KHDRBS2: variants seen among roughly 807,000 people sequenced by gnomAD.
KHDRBS2 encodes the protein KH domain-containing, RNA-binding, signal transduction-associated protein 2.
KHDRBS2 carries 26 observed loss-of-function variants against 44.3 expected under a neutral mutation model. The observed-to-expected ratio is 0.59, with a 90% confidence interval of 0.43 to 0.81. KHDRBS2 has a LOEUF of 0.81. KHDRBS2 is among the 40% of genes least tolerant of loss of function. KHDRBS2 has a pLI of 0.00. For missense variants in KHDRBS2, 476 were observed against 433.1 expected (o/e 1.10, Z -0.88); for synonymous variants, 194 against 151.1 (o/e 1.28, Z -2.08).
intron 2 of KHDRBS2, among the ~76,000 whole-genome samples, chr6:62,053,933 T>A (rs1789673809): frequency 6.6e-6 from 1 of 152,048 alleles, no homozygotes; most frequent in Admixed American, 6.6e-5. Flanking sequence ...TAGAGAATTT[T>A]TTTAAAGGAG....
chr6:61,587,322 C>G, the KHDRBS2 span, among the ~76,000 whole-genome samples: 3 of 151,978 alleles, frequency 2.0e-5, no homozygotes, highest in Non-Finnish European at 4.4e-5. Context: ...CAGGGACAGT[C>G]AGCTGGTGCT....
At chr6:61,724,499 A>G (rs188808088) in intron 7 of KHDRBS2, among the ~76,000 whole-genome samples, 4 of 152,294 alleles carry the variant, frequency 2.6e-5, no homozygotes, top group East Asian at 3.9e-4. Context: ...CATTGCCCCA[A>G]TTAAAAGACA....
At chr6:62,066,021 T>TC (rs1793611570) in intron 2 of KHDRBS2, among the ~76,000 whole-genome samples, 1 of 151,670 alleles carries the variant, frequency 6.6e-6, no homozygotes, top group Non-Finnish European at 1.5e-5. Flanking sequence ...TTTCATCCTG[T>TC]GTGGAGAGTC....
intron 6 of KHDRBS2, among the ~76,000 whole-genome samples, chr6:61,875,941 G>A (rs1207119063): frequency 1.3e-5 from 2 of 151,840 alleles, no homozygotes; most frequent in East Asian, 3.9e-4. Context: ...CTGCTGACCT[G>A]TGAAGTTGGA....
At chr6:61,557,200 A>G in the KHDRBS2 span, among the ~76,000 whole-genome samples, 1 of 152,152 alleles carries the variant, frequency 6.6e-6, no homozygotes, top group African/African-American at 2.4e-5. Flanking sequence ...ATAGGAGCAT[A>G]ATAATATTGC....
intron 4 of KHDRBS2, among the ~76,000 whole-genome samples, chr6:61,961,863 G>C (rs1206243467): frequency 6.6e-6 from 1 of 152,094 alleles, no homozygotes; most frequent in Non-Finnish European, 1.5e-5. Context: ...TGGACTTTAA[G>C]AACAGGACTG....
At chr6:61,900,678 G>A (rs1303763998) in intron 5 of KHDRBS2, among the ~76,000 whole-genome samples, 1 of 152,126 alleles carries the variant, frequency 6.6e-6, no homozygotes, top group Non-Finnish European at 1.5e-5. Context: ...TGCAAGAAGT[G>A]TTCTGGCTTT....
intron 2 of KHDRBS2, among the ~76,000 whole-genome samples, chr6:62,082,310 G>GGTGTGTGTGTGT (rs142069290): frequency 1.6e-3 from 239 of 149,134 alleles, no homozygotes; most frequent in African/African-American, 3.7e-3. Context: ...AATACACACT[G>GGTGTGTGTGTGT]GTGTGTGTGT....
chr6:61,828,321 AAAAGGTGCT>A (rs1436753767), intron 6 of KHDRBS2, among the ~76,000 whole-genome samples: 1 of 152,168 alleles, frequency 6.6e-6, no homozygotes, highest in Non-Finnish European at 1.5e-5. Context: ...GTCTATAAAG[AAAAGGTGCT>A]GGTATCTTAA....
intron 3 of KHDRBS2, among the ~76,000 whole-genome samples, chr6:62,004,823 G>C (rs1452737765): frequency 6.6e-6 from 1 of 152,112 alleles, no homozygotes; most frequent in Non-Finnish European, 1.5e-5. Flanking sequence ...CCAAGATCAA[G>C]TTGGCTTCAT....
At chr6:61,905,402 G>T (rs1804781737) in intron 4 of KHDRBS2, among the ~76,000 whole-genome samples, 2 of 151,642 alleles carry the variant, frequency 1.3e-5, no homozygotes, top group Non-Finnish European at 2.9e-5. Context: ...TCTAGGTGCA[G>T]AAATAGCTAG....
At chr6:61,844,967 C>T (rs1162013072) in intron 6 of KHDRBS2, among the ~76,000 whole-genome samples, 6 of 152,070 alleles carry the variant, frequency 3.9e-5, no homozygotes, top group Non-Finnish European at 8.8e-5. Context: ...ATTGTATCTG[C>T]TTTATATTGT....
At chr6:62,106,516 C>T (rs1584739325) in intron 2 of KHDRBS2, among the ~76,000 whole-genome samples, 3 of 152,092 alleles carry the variant, frequency 2.0e-5, no homozygotes, top group Admixed American at 2.0e-4. Flanking sequence ...GTGAATTGAT[C>T]CCTTTACCAG....
At chr6:61,561,128 T>C in the KHDRBS2 span, among the ~76,000 whole-genome samples, 2 of 152,310 alleles carry the variant, frequency 1.3e-5, no homozygotes, top group Non-Finnish European at 2.9e-5. Context: ...AAGAATTCTC[T>C]GGATTACCAA....
At chr6:61,990,605 A>G (rs1775945716) in intron 3 of KHDRBS2, among the ~76,000 whole-genome samples, 1 of 152,224 alleles carries the variant, frequency 6.6e-6, no homozygotes, top group Non-Finnish European at 1.5e-5. Flanking sequence ...GAATTTAGAA[A>G]TAAGAAGAAT....
chr6:62,123,711 C>G (rs1808264629), intron 2 of KHDRBS2, among the ~76,000 whole-genome samples: 1 of 152,134 alleles, frequency 6.6e-6, no homozygotes, highest in South Asian at 2.1e-4. Context: ...AACATTTGAA[C>G]CTTATCACTG....
At chr6:62,036,295 T>C (rs1456222359) in intron 3 of KHDRBS2, among the ~76,000 whole-genome samples, 4 of 152,010 alleles carry the variant, frequency 2.6e-5, no homozygotes, top group Non-Finnish European at 4.4e-5. Flanking sequence ...GGCCATATTA[T>C]AATGAACCAG....
At chr6:61,996,580 T>C (rs1777204999) in intron 3 of KHDRBS2, among the ~76,000 whole-genome samples, 1 of 152,094 alleles carries the variant, frequency 6.6e-6, no homozygotes, top group Admixed American at 6.5e-5. Context: ...GAGGGCAAAA[T>C]GGAAATGTTC....
chr6:62,268,910 A>T (rs1304426796), intron 1 of KHDRBS2, among the ~76,000 whole-genome samples: 2 of 152,094 alleles, frequency 1.3e-5, no homozygotes, highest in Non-Finnish European at 2.9e-5. Flanking sequence ...TTCATAAAAC[A>T]CTATAAAATT....
Sources: allele counts gnomAD v4.1 joint callset (sites outside exome capture counted in the v4.1 genomes callset), GRCh38; gene constraint gnomAD v4.1.1; transcripts MANE v1.5; gene names NCBI Gene and HGNC (gene_info 2026-07-23, HGNC 2026-07-21).